Variants in SLC17A8 observed in about 807,000 individuals in gnomAD.
The protein encoded by SLC17A8 is vesicular glutamate transporter 3.
In SLC17A8, 31 loss-of-function variants were observed where a neutral mutation model predicts 58.0. The observed-to-expected ratio is 0.53, with a 90% CI of 0.40 to 0.72. The LOEUF is 0.72. Ranked by LOEUF, SLC17A8 falls within the 30% of genes least tolerant of loss-of-function variation. The probability of loss-of-function intolerance (pLI) is 0.00; values close to 1 mark genes in which losing one functional copy is unlikely to be tolerated. For synonymous variants in SLC17A8, 228 were observed against 249.0 expected (o/e 0.92, Z 0.79); for missense variants, 655 against 727.8 (o/e 0.90, Z 1.15).
intron 11 of SLC17A8, 62 bp downstream of exon 11, chr12:100,418,218 T>G: frequency 1.2e-6 from 2 of 1,608,602 alleles, no homozygotes; most frequent in Non-Finnish European, 1.7e-6. Flanking sequence ...TACACAAACT[T>G]GAGATTTCAA....
At chr12:100,382,493 A>G (rs1052136951) in intron 2 of SLC17A8, among the ~76,000 whole-genome samples, 3 of 152,246 alleles carry the variant, frequency 2.0e-5, no homozygotes, top group African/African-American at 7.2e-5. Flanking sequence ...TGCATGTTTC[A>G]TCGTACTAAA....
At position 100,421,382 on chromosome 12, in the gene SLC17A8, T is replaced by A. The variant is rs943950152; in HGVS notation, c.*1223T>A. The A allele has an allele frequency of 2.0e-5, 3 of 152,092 alleles. No individual in the cohort carries two copies. Among genetic ancestry groups the A allele is most frequent in the South Asian group, 2.1e-4 (1 of 4,832 alleles). The allele number at this position is 152,092 out of a possible 1,614,324, so 9.4% of individuals were successfully genotyped here. A position where few individuals can be genotyped will look rare whatever the true frequency, so the allele number is the denominator to read the frequency against. On this transcript the variant is annotated 3_prime_UTR_variant, in exon 12 of 12. Transcript: ENST00000323346. ...GGAATGATATTCAGGGAAATCACAATAATATAGCAGTAGTTATACAGAGAA... is the reference window on the plus strand; with the variant it reads ...GGAATGATATTCAGGGAAATCACAAAAATATAGCAGTAGTTATACAGAGAA...
intron 1 of SLC17A8, among the ~76,000 whole-genome samples, chr12:100,363,119 C>T (rs1337590950): frequency 6.6e-6 from 1 of 152,124 alleles, no homozygotes; most frequent in Non-Finnish European, 1.5e-5. Flanking sequence ...GGCACGAGGA[C>T]CCCAAAGTGA....
rs573773977 is a variant in SLC17A8 at position 100,388,389 on chromosome 12, A to G, written c.355-2612A>G. 2.0e-5 allele frequency among the ~76,000 whole-genome samples: 3 copies of G among 152,272 alleles called. No homozygotes were observed. In the South Asian group the frequency reaches 6.2e-4, roughly 32 times the overall value. ...CATCTTCAAAATGGCAGGAGTCACT[A>G]CAGCTGTTCACTGCTGTACCCCAGT... On this transcript the variant is annotated intron_variant, in intron 2 of 11. Transcript: ENST00000323346.
intron 1 of SLC17A8, among the ~76,000 whole-genome samples, chr12:100,373,803 G>A (rs1952575382): frequency 6.6e-6 from 1 of 151,838 alleles, no homozygotes; most frequent in Admixed American, 6.6e-5. Flanking sequence ...TGGTTAGGCT[G>A]GTCTCGAACC....
chr12:100,402,308 A>G (rs747229365), intron 6 of SLC17A8, 32 bp from the exon 7 acceptor site: 2 of 1,613,726 alleles, frequency 1.2e-6, no homozygotes, highest in East Asian at 2.2e-5. Context: ...AAATGAGACC[A>G]TATAACCCAG....
chr12:100,411,699 C>CT (rs1234435565), intron 9 of SLC17A8, among the ~76,000 whole-genome samples: 1 of 151,760 alleles, frequency 6.6e-6, no homozygotes, highest in Non-Finnish European at 1.5e-5. Context: ...GTCAGCTGAA[C>CT]TTTTTTTTCG....
intron 1 of SLC17A8, among the ~76,000 whole-genome samples, chr12:100,358,672 A>G (rs1348643315): frequency 2.0e-5 from 3 of 152,192 alleles, no homozygotes. Context: ...ATATAGAAAA[A>G]ATTACAATAA....
At chr12:100,417,093 G>A (rs964541536) in intron 10 of SLC17A8, among the ~76,000 whole-genome samples, 2 of 152,100 alleles carry the variant, frequency 1.3e-5, no homozygotes, top group Middle Eastern at 3.2e-3. Context: ...TTTAGTAGAG[G>A]TGAGGTTTTG....
At chr12:100,364,387 C>T (rs200268513) in intron 1 of SLC17A8, among the ~76,000 whole-genome samples, 1 of 152,196 alleles carries the variant, frequency 6.6e-6, no homozygotes, top group Non-Finnish European at 1.5e-5. Flanking sequence ...ACTGGTTTGT[C>T]CCCTCAGGAA....
Position 100,357,220 on chromosome 12 carries a change from G to T in SLC17A8, c.-172G>T. The T allele has an allele frequency of 1.6e-6, 1 of 635,424 alleles. No homozygotes were observed. The highest frequency in any genetic ancestry group is 2.9e-6 in the Non-Finnish European group (1 of 349,290). 39.4% of individuals were successfully genotyped at this position (635,424 alleles called of 1,614,324 possible). On this transcript the variant is annotated 5_prime_UTR_variant, in exon 1 of 12. Transcript: ENST00000323346. ...AGAGAGGAGGGAGTTGTCTTATCTTGGAAGATCCGAGCTGGGTTTCATCTC... is the reference window on the plus strand; with the variant it reads ...AGAGAGGAGGGAGTTGTCTTATCTTTGAAGATCCGAGCTGGGTTTCATCTC...
intron 10 of SLC17A8, among the ~76,000 whole-genome samples, chr12:100,415,459 G>T (rs1472722849): frequency 1.3e-5 from 2 of 151,680 alleles, no homozygotes; most frequent in Non-Finnish European, 2.9e-5. Context: ...AATAGACAGG[G>T]TCTCGCTCTG....
intron 1 of SLC17A8, among the ~76,000 whole-genome samples, chr12:100,370,337 A>C (rs2135975047): frequency 6.6e-6 from 1 of 151,956 alleles, no homozygotes. Flanking sequence ...TGCTCTTGTC[A>C]CCTAGGCTGG....
At chr12:100,411,750 T>A (rs2136013867) in intron 9 of SLC17A8, among the ~76,000 whole-genome samples, 1 of 152,282 alleles carries the variant, frequency 6.6e-6, no homozygotes, top group African/African-American at 2.4e-5. Flanking sequence ...ATTCTTTTTA[T>A]TTTTTATTGT....
Position 100,409,986 on chromosome 12 carries a change from C to T in SLC17A8, c.1187-2784C>T, listed in dbSNP as rs73376039. Among the ~76,000 whole-genome samples the T allele has an allele frequency of 4.9e-3, 746 of 152,244 alleles. 11 individuals are homozygous for T. Among genetic ancestry groups the T allele is most frequent in the African/African-American group, 0.017 (712 of 41,518 alleles). ...ATGACAAACACGTTAAGCACAGGAG[C>T]AAATAATGAGGTGTGTGGCTTAGAA... On this transcript the variant is annotated intron_variant, in intron 9 of 11. Coordinates refer to ENST00000323346, the MANE Select transcript of SLC17A8 (RefSeq NM_139319.3).
intron 1 of SLC17A8, among the ~76,000 whole-genome samples, chr12:100,363,269 G>A (rs2135968741): frequency 6.6e-6 from 1 of 152,292 alleles, no homozygotes; most frequent in East Asian, 1.9e-4. Context: ...TGGGTTACTG[G>A]GAATGATGGC....
chr12:100,392,032 G>T (rs942718254), intron 3 of SLC17A8, among the ~76,000 whole-genome samples: 1 of 152,084 alleles, frequency 6.6e-6, no homozygotes, highest in Non-Finnish European at 1.5e-5. Context: ...CTCTGTCACC[G>T]GAGGTATTCA....
At chr12:100,415,440 A>AG (rs1952899406) in intron 10 of SLC17A8, among the ~76,000 whole-genome samples, 1 of 151,310 alleles carries the variant, frequency 6.6e-6, no homozygotes, top group African/African-American at 2.4e-5. Flanking sequence ...TCTCAAAAAA[A>AG]AAAAAAAAAA....
At chr12:100,408,068 G>A (rs1952839482) in intron 9 of SLC17A8, among the ~76,000 whole-genome samples, 1 of 152,216 alleles carries the variant, frequency 6.6e-6, no homozygotes, top group African/African-American at 2.4e-5. Flanking sequence ...AAGAATGCAG[G>A]TTGATTTGGA....
Sources: gnomAD v4.1 joint callset for allele counts (sites outside exome capture counted in the v4.1 genomes callset) on GRCh38, gnomAD v4.1.1 for gene constraint, MANE v1.5 for transcripts, NCBI Gene and HGNC (gene_info 2026-07-23, HGNC 2026-07-21) for gene names.